KLF7: variants seen among roughly 807,000 people sequenced by gnomAD.
KLF7 encodes the protein KLF transcription factor 7, also known as Krueppel-like factor 7.
KLF7 carries 2 observed loss-of-function variants against 27.3 expected under a neutral mutation model. The observed-to-expected ratio is 0.07, with a 90% confidence interval of 0.03 to 0.23. KLF7 has a LOEUF of 0.23. KLF7 is among the 10% of genes least tolerant of loss of function. The probability of loss-of-function intolerance (pLI) is 1.00; values close to 1 mark genes in which losing one functional copy is unlikely to be tolerated. For synonymous variants in KLF7, 165 were observed against 162.4 expected (o/e 1.02, Z -0.12); for missense variants, 221 against 394.1 (o/e 0.56, Z 3.72).
upstream of KLF7, among the ~76,000 whole-genome samples, chr2:207,167,686 T>G (rs999515483): frequency 6.6e-6 from 1 of 152,240 alleles, no homozygotes; most frequent in Non-Finnish European, 1.5e-5. Context: ...TAGATGCAGA[T>G]GCATCTGCAA....
intron 1 of KLF7, among the ~76,000 whole-genome samples, chr2:207,161,476 G>A (rs1463881465): frequency 2.0e-5 from 3 of 152,186 alleles, no homozygotes; most frequent in Non-Finnish European, 4.4e-5. Flanking sequence ...TGCGAATTGG[G>A]GACTGAGGCA....
At chr2:207,095,505 G>A (rs2076609343) in intron 2 of KLF7, among the ~76,000 whole-genome samples, 1 of 152,178 alleles carries the variant, frequency 6.6e-6, no homozygotes, top group African/African-American at 2.4e-5. Context: ...AGAGAGGTGA[G>A]AAAAGATTTT....
At chr2:207,091,184 T>C (rs970852601) in intron 2 of KLF7, among the ~76,000 whole-genome samples, 2 of 152,208 alleles carry the variant, frequency 1.3e-5, no homozygotes, top group Admixed American at 1.3e-4. Flanking sequence ...TCTTTGGATA[T>C]TTTTTCCCAT....
At chr2:207,167,227 T>G (rs550544628), upstream of KLF7, 2,122 of 1,171,130 alleles carry the variant, frequency 1.8e-3, 3 homozygotes, top group Non-Finnish European at 2.0e-3. Context: ...GATGTAGACA[T>G]AGAGAGATCT....
Position 207,130,397 on chromosome 2 carries a change from G to A in KLF7, c.103-5993C>T, listed in dbSNP as rs553385584. 2.1e-4 allele frequency among the ~76,000 whole-genome samples: 32 copies of A among 152,286 alleles called. No homozygotes were observed. The South Asian group carries it at 4.6e-3, about 22-fold the overall frequency. On this transcript the variant is annotated intron_variant, in intron 1 of 3. Coordinates refer to ENST00000309446, the MANE Select transcript of KLF7 (RefSeq NM_003709.4). Reference sequence around the variant, plus strand: ...GAATCTTAGAGTCCACAGATTGGTGGGATGTCTGGTTTATTAAGATCATGA... The same window carrying A: ...GAATCTTAGAGTCCACAGATTGGTGAGATGTCTGGTTTATTAAGATCATGA...
intron 1 of KLF7, among the ~76,000 whole-genome samples, chr2:207,138,700 A>G (rs2077855269): frequency 1.3e-5 from 2 of 152,194 alleles, no homozygotes; most frequent in Admixed American, 6.5e-5. Flanking sequence ...ACTTACTAGA[A>G]TAAAACTCAT....
chr2:207,077,535 GCA>G lies in KLF7; in HGVS notation c.*3676_*3677del, dbSNP rs1490990001. The G allele has an allele frequency of 1.3e-5, 2 of 152,204 alleles. No homozygotes were observed. The highest frequency in any genetic ancestry group is 1.9e-4 in the East Asian group (1 of 5,196). The allele number at this position is 152,204 out of a possible 1,614,324, so 9.4% of individuals were successfully genotyped here. On this transcript the variant is annotated 3_prime_UTR_variant, in exon 4 of 4. Transcript: ENST00000309446. ...TATTTGAAGGGCTTTGCAAGGGAAA[GCA>G]CACAGAGAGGAGGAAATGGTCAGCA...
upstream of KLF7, chr2:207,166,267 G>C: frequency 2.4e-6 from 2 of 842,868 alleles, no homozygotes; most frequent in South Asian, 1.1e-4. Context: ...GGCGGGGCTT[G>C]GCCCTGGCGG....
intron 2 of KLF7, among the ~76,000 whole-genome samples, chr2:207,096,016 C>G (rs1055567133): frequency 9.9e-5 from 15 of 152,234 alleles, no homozygotes; most frequent in Non-Finnish European, 2.1e-4. Flanking sequence ...ATATTTTCTA[C>G]GTAGAAACCC....
intron 3 of KLF7, among the ~76,000 whole-genome samples, chr2:207,084,585 G>A (rs1190270171): frequency 6.6e-6 from 1 of 152,004 alleles, no homozygotes; most frequent in Non-Finnish European, 1.5e-5. Flanking sequence ...CCTTACTATT[G>A]AGGTTTTTAT....
chr2:207,136,509 C>T (rs559504296), intron 1 of KLF7, among the ~76,000 whole-genome samples: 2 of 152,298 alleles, frequency 1.3e-5, no homozygotes, highest in East Asian at 3.9e-4. Flanking sequence ...CCTTCTTTGA[C>T]CTGCCTAGAG....
intron 2 of KLF7, chr2:207,121,597 T>G (rs1034419556): frequency 6.6e-6 from 1 of 152,202 alleles, no homozygotes; most frequent in Non-Finnish European, 1.5e-5. Flanking sequence ...AGCTCTTAAG[T>G]GCTCTGCGAT....
At chr2:207,132,800 T>A (rs1172504286) in intron 1 of KLF7, among the ~76,000 whole-genome samples, 1 of 152,180 alleles carries the variant, frequency 6.6e-6, no homozygotes, top group Non-Finnish European at 1.5e-5. Context: ...AGGCACTGGG[T>A]TCCCCTACAC....
At chr2:207,098,484 A>T (rs1157647792) in intron 2 of KLF7, among the ~76,000 whole-genome samples, 3 of 152,198 alleles carry the variant, frequency 2.0e-5, no homozygotes, top group African/African-American at 7.2e-5. Flanking sequence ...GATGTATTAA[A>T]TAGAAATTTG....
At chr2:207,148,979 T>C in intron 1 of KLF7, 1 of 1,136,240 alleles carries the variant, frequency 8.8e-7, no homozygotes, top group Admixed American at 4.1e-5. Flanking sequence ...ACCCAGTCAT[T>C]ACCTGTGTCA....
At chr2:207,146,774 C>G (rs951755358) in intron 1 of KLF7, among the ~76,000 whole-genome samples, 1 of 152,112 alleles carries the variant, frequency 6.6e-6, no homozygotes, top group Non-Finnish European at 1.5e-5. Flanking sequence ...AGTGCATGGC[C>G]CATTTGTCTC....
intron 1 of KLF7, among the ~76,000 whole-genome samples, chr2:207,144,151 C>T (rs1460795315): frequency 1.8e-5 from 2 of 113,758 alleles, no homozygotes; most frequent in Admixed American, 1.0e-4. Context: ...GTCTAGGAGT[C>T]GTCACAGCGG....
At chr2:207,116,890 C>T (rs1035508960) in intron 2 of KLF7, among the ~76,000 whole-genome samples, 1 of 152,128 alleles carries the variant, frequency 6.6e-6, no homozygotes, top group African/African-American at 2.4e-5. Context: ...ATCCCCCATC[C>T]AAACTATATT....
At chr2:207,168,282 T>C (rs914887849), upstream of KLF7, among the ~76,000 whole-genome samples, 1 of 152,246 alleles carries the variant, frequency 6.6e-6, no homozygotes, top group African/African-American at 2.4e-5. Flanking sequence ...TTGAAGATTT[T>C]ACAAATAATA....
Sources: gnomAD v4.1 joint callset for allele counts (sites outside exome capture counted in the v4.1 genomes callset) on GRCh38, gnomAD v4.1.1 for gene constraint, MANE v1.5 for transcripts, NCBI Gene and HGNC (gene_info 2026-07-23, HGNC 2026-07-21) for gene names.